CMIP: variants seen among roughly 807,000 people sequenced by gnomAD.
CMIP encodes C-Maf-inducing protein.
A neutral mutation model predicts 97.3 loss-of-function variants in CMIP; 13 were observed. That is an observed-to-expected ratio of 0.13 (90% CI 0.09 to 0.21). CMIP has a LOEUF of 0.21. Among genes scored for constraint, CMIP ranks in the 10% least tolerant of loss-of-function variants. CMIP has a pLI of 1.00. For synonymous variants in CMIP, 538 were observed against 436.3 expected, an observed-to-expected ratio of 1.23 and a Z score of -2.91; for missense variants, 847 against 1,024.9, an observed-to-expected ratio of 0.83 and a Z score of 2.37.
At chr16:81,647,729 A>T (rs1474040292) in intron 3 of CMIP, among the ~76,000 whole-genome samples, 2 of 152,022 alleles carry the variant, frequency 1.3e-5, no homozygotes, top group East Asian at 3.9e-4. Context: ...TCATCACCTG[A>T]TGAGCTCATC....
intron 1 of CMIP, among the ~76,000 whole-genome samples, chr16:81,542,930 C>T (rs767375726): frequency 7.2e-5 from 11 of 152,220 alleles, no homozygotes; most frequent in Admixed American, 2.6e-4. Context: ...AGAGAAGGAA[C>T]GGTTTACATT....
chr16:81,708,806 C>A (rs1020315163), intron 20 of CMIP, among the ~76,000 whole-genome samples: 1 of 152,242 alleles, frequency 6.6e-6, no homozygotes, highest in African/African-American at 2.4e-5. Context: ...CAGGTCCCCA[C>A]CTGTAACCTC....
chr16:81,636,574 T>G (rs2092238387), intron 3 of CMIP, among the ~76,000 whole-genome samples: 2 of 122,034 alleles, frequency 1.6e-5, no homozygotes, highest in South Asian at 5.7e-4. Flanking sequence ...GAGTGAAACT[T>G]CGTCTCAAAA....
intron 1 of CMIP, among the ~76,000 whole-genome samples, chr16:81,574,925 G>A (rs2091162947): frequency 6.6e-6 from 1 of 152,196 alleles, no homozygotes; most frequent in Non-Finnish European, 1.5e-5. Context: ...ATGGTTGCTG[G>A]AAGAGCATTT....
At chr16:81,456,145 C>G (rs1334411333) in intron 1 of CMIP, among the ~76,000 whole-genome samples, 2 of 152,204 alleles carry the variant, frequency 1.3e-5, no homozygotes, top group African/African-American at 4.8e-5. Context: ...CGAACTGTCC[C>G]AGCAGGCTGG....
At position 81,591,834 on chromosome 16, in the gene CMIP, T is replaced by C. The variant is rs186740068; in HGVS notation, c.301-15733T>C. ...GTTTTCTTTCTTTCTTTCTTTCTTTTTTTTTTTTGAGACAGGGTCTCGTGC... is the reference window on the plus strand; with the variant it reads ...GTTTTCTTTCTTTCTTTCTTTCTTTCTTTTTTTTGAGACAGGGTCTCGTGC... On this transcript the variant is annotated intron_variant, in intron 1 of 20. Transcript: ENST00000537098. Among the ~76,000 whole-genome samples the C allele has an allele frequency of 5.9e-4, 89 of 150,680 alleles. No homozygotes were observed. In the East Asian group the frequency reaches 0.011, roughly 19 times the overall value.
chr16:81,564,177 A>G (rs1432290815), intron 1 of CMIP, among the ~76,000 whole-genome samples: 1 of 152,202 alleles, frequency 6.6e-6, no homozygotes, highest in African/African-American at 2.4e-5. Flanking sequence ...GCCAGGGGAG[A>G]AAAGAATGCC....
At chr16:81,470,441 G>A (rs1431973648) in intron 1 of CMIP, among the ~76,000 whole-genome samples, 1 of 152,212 alleles carries the variant, frequency 6.6e-6, no homozygotes, top group African/African-American at 2.4e-5. Context: ...CACAGAGACA[G>A]ATGTTTCAGA....
chr16:81,505,119 A>G (rs2089684815), intron 1 of CMIP, among the ~76,000 whole-genome samples: 1 of 152,224 alleles, frequency 6.6e-6, no homozygotes, highest in African/African-American at 2.4e-5. Context: ...GCAGTGACCC[A>G]GCCGATGGAG....
Position 81,652,105 on chromosome 16 carries a change from C to G in CMIP, c.478-98C>G. 2.1e-6 allele frequency: 2 copies of G among 936,990 alleles called. No homozygotes were observed. The highest frequency in any genetic ancestry group is 4.9e-5 in the East Asian group (2 of 40,756). 58.0% of individuals were successfully genotyped at this position (936,990 alleles called of 1,614,324 possible). A position where few individuals can be genotyped will look rare whatever the true frequency, so the allele number is the denominator to read the frequency against. On this transcript the variant is annotated intron_variant, in intron 3 of 20. Coordinates refer to ENST00000537098, the MANE Select transcript of CMIP (RefSeq NM_198390.3). This position sits in a 1 kb window ranked among gnomAD's most constrained non-coding sequence, Gnocchi z 5.2. ...GGCCAAGTTGTCAGTTTCTCAGGGC[C>G]CTTTACACCCTAACCCATCTGATTC...
chr16:81,683,753 TTTC>T (rs1201981902), intron 10 of CMIP, among the ~76,000 whole-genome samples: 1 of 147,752 alleles, frequency 6.8e-6, no homozygotes, highest in Non-Finnish European at 1.5e-5. Flanking sequence ...ATTTTTTCTT[TTTC>T]TTTTTTTTTT....
chr16:81,510,684 C>CA (rs746909080), intron 1 of CMIP, among the ~76,000 whole-genome samples: 7 of 151,474 alleles, frequency 4.6e-5, no homozygotes, highest in South Asian at 2.1e-4. Flanking sequence ...TTCATTAAAA[C>CA]AAAAAAAATC....
At position 81,546,213 on chromosome 16, in the gene CMIP, C is replaced by T. The variant is rs140762334; in HGVS notation, c.301-61354C>T. 2.6e-3 allele frequency among the ~76,000 whole-genome samples: 389 copies of T among 152,244 alleles called. 1 individual carries two copies. Among genetic ancestry groups the T allele is most frequent in the African/African-American group, 8.8e-3 (367 of 41,530 alleles). ...TGGCAGCCCAGGGAAATGAGGAATC[C>T]CGATCCTTCTCTCTGAGTCAAGAGA... On this transcript the variant is annotated intron_variant, in intron 1 of 20. Coordinates refer to ENST00000537098, the MANE Select transcript of CMIP (RefSeq NM_198390.3).
chr16:81,611,474 G>C (rs745469730), intron 2 of CMIP: 1 of 152,656 alleles, frequency 6.6e-6, no homozygotes, highest in African/African-American at 2.4e-5. Flanking sequence ...CAGCCTGCCT[G>C]ATCTCTCTCC....
At chr16:81,573,615 T>G (rs1449281149) in intron 1 of CMIP, among the ~76,000 whole-genome samples, 2 of 152,102 alleles carry the variant, frequency 1.3e-5, no homozygotes, top group Non-Finnish European at 2.9e-5. Flanking sequence ...GAAAATCGCT[T>G]TGTGGGTTCG....
intron 1 of CMIP, among the ~76,000 whole-genome samples, chr16:81,550,467 A>G (rs1332858962): frequency 1.3e-5 from 2 of 152,148 alleles, no homozygotes; most frequent in African/African-American, 2.4e-5. Context: ...CTTTCTGCTC[A>G]TGCCCCCCTC....
At chr16:81,692,706 C>T (rs575652007) in intron 11 of CMIP, among the ~76,000 whole-genome samples, 285 of 152,324 alleles carry the variant, frequency 1.9e-3, no homozygotes, top group African/African-American at 6.5e-3. Flanking sequence ...CGTCATTGGC[C>T]TCAGTCCCCG....
At chr16:81,638,738 A>C (rs2092267702) in intron 3 of CMIP, among the ~76,000 whole-genome samples, 1 of 152,036 alleles carries the variant, frequency 6.6e-6, no homozygotes, top group East Asian at 1.9e-4. Flanking sequence ...TTCCTGCCCC[A>C]GTTCAGCCTC....
intron 10 of CMIP, among the ~76,000 whole-genome samples, chr16:81,686,761 G>A (rs1434618877): frequency 1.3e-5 from 2 of 152,162 alleles, no homozygotes; most frequent in African/African-American, 2.4e-5. Context: ...TTGTCGATGG[G>A]AGTGAACATT....
Sources: allele counts gnomAD v4.1 joint callset (sites outside exome capture counted in the v4.1 genomes callset), GRCh38; gene constraint gnomAD v4.1.1; non-coding constraint Gnocchi (gnomAD v3.1); transcripts MANE v1.5; gene names NCBI Gene and HGNC (gene_info 2026-07-23, HGNC 2026-07-21).